GALNT2: variants seen among roughly 807,000 people sequenced by gnomAD.
The protein encoded by GALNT2 is polypeptide N-acetylgalactosaminyltransferase 2.
Under a neutral mutation model 81.4 loss-of-function variants are expected in GALNT2, and 31 were observed. That is an observed-to-expected ratio of 0.38 (90% CI 0.29 to 0.51). The LOEUF is 0.51. GALNT2 is among the 20% of genes least tolerant of loss of function. The pLI, the probability that GALNT2 is intolerant of heterozygous loss-of-function variation, is 0.87. For synonymous variants in GALNT2, 303 were observed against 287.4 expected (o/e 1.05, Z -0.55); for missense variants, 629 against 765.7 (o/e 0.82, Z 2.11).
intron 15 of GALNT2, among the ~76,000 whole-genome samples, chr1:230,277,743 G>A (rs976295758): frequency 4.6e-5 from 7 of 152,132 alleles, no homozygotes; most frequent in Non-Finnish European, 1.0e-4. Context: ...TGCCTGCACC[G>A]GCTCCTCCCT....
chr1:230,185,481 A>G (rs548742182), intron 2 of GALNT2, among the ~76,000 whole-genome samples: 4 of 152,068 alleles, frequency 2.6e-5, no homozygotes, highest in Admixed American at 2.0e-4. Flanking sequence ...TCTTTTAGGG[A>G]ACCTTTGTGT....
At chr1:230,174,288 C>A (rs1199418236) in intron 1 of GALNT2, among the ~76,000 whole-genome samples, 1 of 152,124 alleles carries the variant, frequency 6.6e-6, no homozygotes, top group Non-Finnish European at 1.5e-5. Context: ...TCCTACTTGT[C>A]CCTGCAGCAT....
chr1:230,172,805 C>T (rs932107506), intron 1 of GALNT2, among the ~76,000 whole-genome samples: 2 of 152,132 alleles, frequency 1.3e-5, no homozygotes, highest in African/African-American at 2.4e-5. Flanking sequence ...AATTAGTTTC[C>T]ATAACTATTT....
Position 230,067,348 on chromosome 1 carries a change from T to C in GALNT2, c.68T>C (p.Met23Thr). 2 of 1,374,238 alleles carry C rather than the reference T, an allele frequency of 1.5e-6. No homozygotes were observed. The highest frequency in any genetic ancestry group is 1.9e-6 in the Non-Finnish European group (2 of 1,051,276). The allele number at this position is 1,374,238 out of a possible 1,614,324, so 85.1% of individuals were successfully genotyped here. The change falls in exon 1 of 16, where the codon ATG becomes ACG. Residue 23 changes from methionine to threonine, a missense_variant. Physicochemically the swap from Met to Thr is moderately conservative, Grantham distance 81. This residue lies in a region of GALNT2 where 62 missense variants were observed against 47.3 expected (regional missense o/e 1.31). Coordinates refer to ENST00000366672, the MANE Select transcript of GALNT2 (RefSeq NM_004481.5). ...TGGGTGCTGGGCATCGCCTACTACA[T>C]GTACTCGGGGGGCGGCTCTGCGCTG... is the stretch of plus-strand genomic sequence containing the variant. The part of the protein sequence containing the change: ...FLWVLGIAYY[M>T]YSGGGSALAG...
chr1:230,280,087 G>T lies in GALNT2; in HGVS notation c.*629G>T. 2.3e-6 allele frequency: 1 copy of T among 444,312 alleles called. No homozygotes were observed. The highest frequency in any genetic ancestry group is 1.6e-5 in the South Asian group (1 of 63,454). The allele number at this position is 444,312 out of a possible 1,614,324, so 27.5% of individuals were successfully genotyped here. The stretch of plus-strand genomic sequence containing the variant: ...AAGCTATATAGAGAAAGAATGTACG[G>T]TCAGTTCCCTATGGTTTCTGTAGAT... On this transcript the variant is annotated 3_prime_UTR_variant, in exon 16 of 16. Coordinates refer to ENST00000366672, the MANE Select transcript of GALNT2 (RefSeq NM_004481.5).
At chr1:230,264,312 T>C (rs1012626536) in intron 13 of GALNT2, 2 of 152,258 alleles carry the variant, frequency 1.3e-5, no homozygotes, top group African/African-American at 4.8e-5. Flanking sequence ...CTAAGGCGGC[T>C]GCTCATCAAC....
At chr1:230,264,369 A>G (rs888448178) in intron 13 of GALNT2, 3 of 152,364 alleles carry the variant, frequency 2.0e-5, no homozygotes, top group South Asian at 4.1e-4. Flanking sequence ...TTTTAACCCA[A>G]CCATGCCACT....
intron 1 of GALNT2, among the ~76,000 whole-genome samples, chr1:230,129,559 A>G (rs1661301891): frequency 6.6e-6 from 1 of 152,060 alleles, no homozygotes; most frequent in Non-Finnish European, 1.5e-5. Context: ...ACCTCAAGTG[A>G]TCTTCCCCTC....
At chr1:230,239,301 A>G (rs1309125181) in intron 6 of GALNT2, among the ~76,000 whole-genome samples, 3 of 152,222 alleles carry the variant, frequency 2.0e-5, no homozygotes, top group Non-Finnish European at 2.9e-5. Flanking sequence ...ATAGATGTAT[A>G]TATAAACAGG....
intron 1 of GALNT2, among the ~76,000 whole-genome samples, chr1:230,075,651 G>A (rs6673349): frequency 0.29 from 43,403 of 152,164 alleles, 11,261 homozygotes; most frequent in African/African-American, 0.69. Context: ...AGCAGACACG[G>A]AATCCTTGTG....
chr1:230,107,575 T>TAA (rs5781564), intron 1 of GALNT2, among the ~76,000 whole-genome samples: 2,601 of 146,040 alleles, frequency 0.018, 44 homozygotes, highest in East Asian at 0.067. Context: ...GCAAGAATGT[T>TAA]AAAAAAAAAA....
At chr1:230,222,031 C>CTCTCTTTTTTTTTTTTTTTTTT (rs1553270493) in intron 3 of GALNT2, among the ~76,000 whole-genome samples, 1 of 96,120 alleles carries the variant, frequency 1.0e-5, no homozygotes, top group Non-Finnish European at 1.9e-5. Context: ...CTGCTTTTCT[C>CTCTCTTTTTTTTTTTTTTTTTT]TTTTTTTTTT....
At chr1:230,127,584 C>T (rs1661227347) in intron 1 of GALNT2, among the ~76,000 whole-genome samples, 2 of 151,704 alleles carry the variant, frequency 1.3e-5, no homozygotes, top group Non-Finnish European at 1.5e-5. Flanking sequence ...CCATGTTAGC[C>T]AGGATGGTTT....
At chr1:230,074,227 A>G (rs1022931939) in intron 1 of GALNT2, among the ~76,000 whole-genome samples, 15 of 152,056 alleles carry the variant, frequency 9.9e-5, no homozygotes, top group African/African-American at 3.6e-4. Context: ...CGAGTAGCTA[A>G]GACTATAGGC....
At chr1:230,239,392 CCAGT>C in intron 6 of GALNT2, among the ~76,000 whole-genome samples, 1 of 152,274 alleles carries the variant, frequency 6.6e-6, no homozygotes. Context: ...AGCAGGGAAG[CCAGT>C]CCAAGTCCCA....
chr1:230,076,098 G>A (rs1659546605), intron 1 of GALNT2, among the ~76,000 whole-genome samples: 1 of 152,214 alleles, frequency 6.6e-6, no homozygotes, highest in African/African-American at 2.4e-5. Context: ...AGGCATGAAT[G>A]CATCCTGGTT....
intron 1 of GALNT2, among the ~76,000 whole-genome samples, chr1:230,172,916 G>C (rs1662841146): frequency 6.6e-6 from 1 of 152,186 alleles, no homozygotes; most frequent in Admixed American, 6.5e-5. Flanking sequence ...AATTTGAGCT[G>C]CTGTGCTCTC....
chr1:230,111,021 G>A (rs571237170), intron 1 of GALNT2, among the ~76,000 whole-genome samples: 9 of 152,304 alleles, frequency 5.9e-5, no homozygotes, highest in South Asian at 2.1e-4. Context: ...GTCTGCATGC[G>A]TGTGTACGTA....
intron 1 of GALNT2, among the ~76,000 whole-genome samples, chr1:230,072,967 T>C (rs573933240): frequency 8.5e-5 from 13 of 152,366 alleles, no homozygotes; most frequent in Non-Finnish European, 1.6e-4. Context: ...TGAGTAAGTC[T>C]TGATTCACTG....
Sources: allele counts gnomAD v4.1 joint callset (sites outside exome capture counted in the v4.1 genomes callset), GRCh38; gene constraint gnomAD v4.1.1; regional missense constraint gnomAD v4.1.1; transcripts MANE v1.5; gene names NCBI Gene and HGNC (gene_info 2026-07-23, HGNC 2026-07-21).